Variants in TPD52L2 observed in about 807,000 individuals in gnomAD.
TPD52L2 encodes TPD52 like 2.
A neutral mutation model predicts 24.7 loss-of-function variants in TPD52L2; 19 were observed. That is an observed-to-expected ratio of 0.77 (90% CI 0.54 to 1.13). TPD52L2 has a LOEUF of 1.13. Among genes scored for constraint, TPD52L2 ranks in the 50% most tolerant of loss-of-function variants. The probability of loss-of-function intolerance (pLI) is 0.00; values close to 1 mark genes in which losing one functional copy is unlikely to be tolerated. For synonymous variants in TPD52L2, 104 were observed against 100.2 expected, an observed-to-expected ratio of 1.04 and a Z score of -0.23; for missense variants, 236 against 250.4, an observed-to-expected ratio of 0.94 and a Z score of 0.39.
At chr20:63,869,177 T>G (rs1600782610) in intron 1 of TPD52L2, 119 bp from the exon 2 acceptor site, 1 of 1,121,906 alleles carries the variant, frequency 8.9e-7, no homozygotes, top group Non-Finnish European at 1.3e-6. Flanking sequence ...AGAGAAGAGG[T>G]GTTAGTCTCC....
At chr20:63,867,934 G>A (rs1482287677) in intron 1 of TPD52L2, among the ~76,000 whole-genome samples, 3 of 151,286 alleles carry the variant, frequency 2.0e-5, no homozygotes, top group Non-Finnish European at 4.4e-5. Context: ...CACCCCGCCC[G>A]ACCAGTTTTT....
At chr20:63,886,447 G>A (rs1005825948) in intron 5 of TPD52L2, among the ~76,000 whole-genome samples, 34 of 148,908 alleles carry the variant, frequency 2.3e-4, no homozygotes, top group Middle Eastern at 6.9e-3. Flanking sequence ...TGCAAGCTCC[G>A]CCTCCCGGGT....
intron 1 of TPD52L2, among the ~76,000 whole-genome samples, chr20:63,866,137 G>A (rs567715912): frequency 4.7e-4 from 72 of 151,986 alleles, no homozygotes; most frequent in African/African-American, 1.7e-3. Context: ...ACGGAGTCTT[G>A]CTCTGACGCC....
rs374272991 is a variant in TPD52L2 at position 63,875,830 on chromosome 20, C to G, written c.329C>G (p.Ser110Cys). ...TCTGTTTTTAGCTATGTGAAAACTT[C>G]TGAGAAACTTGGAGAGTGGAATGAG... ...VQVSSAYVKT[S>C]EKLGEWNEKV... Residue 110 changes from serine (S) to cysteine (C), a missense_variant, in exon 4 of 7, where the codon TCT becomes TGT. By Grantham distance (112) the Ser-to-Cys change is moderately radical. Coordinates refer to ENST00000346249, the MANE Select transcript of TPD52L2 (RefSeq NM_003288.4). 1.2e-6 allele frequency: 2 copies of G among 1,614,188 alleles called. No individual in the cohort carries two copies. The highest frequency in any genetic ancestry group is 1.7e-6 in the Non-Finnish European group (2 of 1,180,030).
At chr20:63,870,154 A>G (rs2052403961) in intron 2 of TPD52L2, among the ~76,000 whole-genome samples, 1 of 152,194 alleles carries the variant, frequency 6.6e-6, no homozygotes, top group African/African-American at 2.4e-5. Flanking sequence ...TTCTTTTCTA[A>G]AAAGTATTTA....
intron 5 of TPD52L2, among the ~76,000 whole-genome samples, chr20:63,884,696 G>A (rs889775083): frequency 3.9e-5 from 6 of 152,092 alleles, no homozygotes; most frequent in South Asian, 2.1e-4. Flanking sequence ...ATGGCTGGCA[G>A]TGAGCAGAGT....
rs543071885 is a variant in TPD52L2 at position 63,886,640 on chromosome 20, C to T, written c.477-2550C>T. 7.3e-5 allele frequency among the ~76,000 whole-genome samples: 11 copies of T among 151,454 alleles called. 1 individual carries two copies. The highest frequency in any genetic ancestry group is 4.0e-4 in the Admixed American group (6 of 15,178). On this transcript the variant is annotated intron_variant, in intron 5 of 6. Transcript: ENST00000346249. Reference sequence around the variant, plus strand: ...CTGGGATTACAAGCGTGAGCCACCGCGCCCGGCCTTTTTTTTCTTTTTTTT... The same window carrying T: ...CTGGGATTACAAGCGTGAGCCACCGTGCCCGGCCTTTTTTTTCTTTTTTTT...
chr20:63,884,796 C>A (rs555433158), intron 5 of TPD52L2, among the ~76,000 whole-genome samples: 1 of 152,224 alleles, frequency 6.6e-6, no homozygotes, highest in South Asian at 2.1e-4. Flanking sequence ...ATGGGGCCAG[C>A]TGGGGGAGCG....
In TPD52L2 at chr20:63,887,211, C is replaced by A. The variant is rs114486765; in HGVS notation, c.477-1979C>A. 1,351 of 396,036 alleles carry A rather than the reference C, an allele frequency of 3.4e-3. 15 individuals carry two copies. Among genetic ancestry groups the A allele is most frequent in the African/African-American group, 0.027 (1,288 of 47,964 alleles). 24.5% of individuals were successfully genotyped at this position (396,036 alleles called of 1,614,324 possible). The stretch of plus-strand genomic sequence containing the variant: ...CAATCTGTGATTTCTTGTGTTTTTA[C>A]TTGACTTGGTGGTTTCTCTTTTGCC... On this transcript the variant is annotated intron_variant, in intron 5 of 6. Transcript: ENST00000346249.
chr20:63,879,255 A>AT (rs952994112), intron 4 of TPD52L2, among the ~76,000 whole-genome samples: 4 of 152,128 alleles, frequency 2.6e-5, no homozygotes, highest in African/African-American at 9.7e-5. Flanking sequence ...TGACCCCCTC[A>AT]TTTCCACACC....
intron 4 of TPD52L2, chr20:63,876,906 T>A: frequency 2.2e-6 from 1 of 455,490 alleles, no homozygotes; most frequent in South Asian, 1.6e-5. Context: ...TCACGGCATG[T>A]TGCCCTGGGT....
In TPD52L2 at chr20:63,891,457, G is replaced by A. The variant is rs1173217912; in HGVS notation, c.*1512G>A. ...GGGGTGTGGTGAGAAGGCAGGTTGT[G>A]CGGGTGTTGACCGATGTATCTTTTC... On this transcript the variant is annotated 3_prime_UTR_variant, in exon 7 of 7. Coordinates refer to ENST00000346249, the MANE Select transcript of TPD52L2 (RefSeq NM_003288.4). The surrounding 1 kb of genome is among the most constrained non-coding windows in gnomAD (Gnocchi z 4.7). 1 of 152,292 alleles carries A rather than the reference G, an allele frequency of 6.6e-6. No individual in the cohort carries two copies. Among genetic ancestry groups the A allele is most frequent in the East Asian group, 1.9e-4 (1 of 5,246 alleles). The allele number at this position is 152,292 out of a possible 1,614,324, so 9.4% of individuals were successfully genotyped here.
At chr20:63,871,051 T>A (rs1467040204) in intron 2 of TPD52L2, among the ~76,000 whole-genome samples, 1 of 151,108 alleles carries the variant, frequency 6.6e-6, no homozygotes, top group African/African-American at 2.4e-5. Context: ...TTTTTTTTGT[T>A]GTTTTTCTTG....
At chr20:63,873,896 G>A (rs919982437) in intron 3 of TPD52L2, 80 bp downstream of exon 3, 23 of 1,388,988 alleles carry the variant, frequency 1.7e-5, no homozygotes, top group African/African-American at 3.0e-5. Context: ...GGGGGGCGTC[G>A]TCATGCCCAG....
At chr20:63,888,172 G>T (rs2053201679) in intron 5 of TPD52L2, 1 of 157,180 alleles carries the variant, frequency 6.4e-6, no homozygotes, top group Non-Finnish European at 1.4e-5. Context: ...GGGGACTCTG[G>T]CTGGGTGTCG....
At chr20:63,881,854 G>C (rs2052912122) in intron 4 of TPD52L2, among the ~76,000 whole-genome samples, 1 of 152,186 alleles carries the variant, frequency 6.6e-6, no homozygotes. Context: ...CTGGATGAGG[G>C]CCAGCGACTT....
At position 63,873,741 on chromosome 20, in the gene TPD52L2, G is replaced by T. The variant is rs1402689981; in HGVS notation, c.239G>T (p.Arg80Met). 8 of 1,608,900 alleles carry T rather than the reference G, an allele frequency of 5.0e-6. No homozygotes were observed. Among genetic ancestry groups the T allele is most frequent in the African/African-American group, 1.3e-5 (1 of 74,530 alleles). Reference protein sequence around the residue: ...KERHCGELKRRLGLSTLGELK... With the variant: ...KERHCGELKRMLGLSTLGELK... Reference sequence around the variant, plus strand: ...AGGCACTGTGGAGAGCTCAAGAGGAGGCTGGGCCTCTCCACCCTGGGGGAG... The same window carrying T: ...AGGCACTGTGGAGAGCTCAAGAGGATGCTGGGCCTCTCCACCCTGGGGGAG... The change falls in exon 3 of 7, where the codon AGG becomes ATG. Residue 80 changes from arginine to methionine, a missense_variant. Physicochemically the swap from Arg to Met is moderately conservative, Grantham distance 91 (BLOSUM62 -1). Transcript: ENST00000346249.
intron 4 of TPD52L2, among the ~76,000 whole-genome samples, chr20:63,880,673 G>A (rs866825668): frequency 1.3e-5 from 2 of 151,482 alleles, no homozygotes; most frequent in African/African-American, 2.4e-5. Flanking sequence ...GGCGGATCAC[G>A]AGGTCAGGAG....
intron 1 of TPD52L2, among the ~76,000 whole-genome samples, chr20:63,866,808 G>C (rs1377197948): frequency 1.5e-5 from 2 of 131,244 alleles, no homozygotes; most frequent in Non-Finnish European, 3.2e-5. Context: ...GTCTCCCTCT[G>C]TCTCCCAGGC....
Sources: gnomAD v4.1 joint callset for allele counts (sites outside exome capture counted in the v4.1 genomes callset) on GRCh38, gnomAD v4.1.1 for gene constraint, Gnocchi (gnomAD v3.1) non-coding constraint, MANE v1.5 for transcripts, NCBI Gene and HGNC (gene_info 2026-07-23, HGNC 2026-07-21) for gene names.